The following ARB2A variants were observed in gnomAD, a reference collection of about 807,000 sequenced individuals.
ARB2A encodes the protein ARB2 cotranscriptional regulator A, also known as cotranscriptional regulator ARB2A.
chr5:93,767,401 T>C, the ARB2A span, among the ~76,000 whole-genome samples: 1 of 152,108 alleles, frequency 6.6e-6, no homozygotes, highest in African/African-American at 2.4e-5. Context: ...GGTGTGGATG[T>C]GGTGATGAGG....
the ARB2A span, among the ~76,000 whole-genome samples, chr5:93,978,590 A>G: frequency 2.6e-5 from 4 of 152,124 alleles, no homozygotes; most frequent in Admixed American, 1.3e-4. Context: ...AAAGATGGGA[A>G]CAATAAACAC....
the ARB2A span, among the ~76,000 whole-genome samples, chr5:94,069,087 T>TAGATAGATAGATAGATAGATAGAC: frequency 2.6e-5 from 4 of 151,250 alleles, no homozygotes; most frequent in South Asian, 2.1e-4. Context: ...GATAGATAGA[T>TAGATAGATAGATAGATAGATAGAC]AGACTAATGG....
the ARB2A span, among the ~76,000 whole-genome samples, chr5:93,712,504 T>C: frequency 1.3e-5 from 2 of 152,076 alleles, no homozygotes; most frequent in African/African-American, 4.8e-5. Flanking sequence ...AGAAGGAAGA[T>C]GTACACGGTT....
chr5:94,074,143 C>G, the ARB2A span, among the ~76,000 whole-genome samples: 1 of 152,108 alleles, frequency 6.6e-6, no homozygotes, highest in African/African-American at 2.4e-5. Context: ...TTTTCGAAGT[C>G]AAATTACTTT....
the ARB2A span, among the ~76,000 whole-genome samples, chr5:93,910,337 A>G: frequency 2.0e-5 from 3 of 151,160 alleles, no homozygotes; most frequent in Non-Finnish European, 4.5e-5. Flanking sequence ...GAATATAAAG[A>G]CCAAAATGCT....
chr5:94,016,656 G>T, the ARB2A span, among the ~76,000 whole-genome samples: 1 of 152,178 alleles, frequency 6.6e-6, no homozygotes, highest in Non-Finnish European at 1.5e-5. Flanking sequence ...TTATGCAGAT[G>T]ATGAGAAATG....
the ARB2A span, among the ~76,000 whole-genome samples, chr5:93,827,624 G>T: frequency 3.3e-5 from 5 of 151,818 alleles, no homozygotes; most frequent in South Asian, 6.3e-4. Context: ...GTCAATTTTG[G>T]CTTTTGTTGC....
chr5:93,896,999 C>G, the ARB2A span, among the ~76,000 whole-genome samples: 1 of 151,978 alleles, frequency 6.6e-6, no homozygotes, highest in Non-Finnish European at 1.5e-5. Flanking sequence ...CGCTTGCATA[C>G]TTTAAAGCTT....
At chr5:93,985,864 G>T in the ARB2A span, among the ~76,000 whole-genome samples, 1 of 152,180 alleles carries the variant, frequency 6.6e-6, no homozygotes, top group Non-Finnish European at 1.5e-5. Context: ...GAAGTGAGGA[G>T]CGTCTCTGCC....
the ARB2A span, among the ~76,000 whole-genome samples, chr5:93,658,128 C>G: frequency 6.6e-6 from 1 of 152,046 alleles, no homozygotes; most frequent in Admixed American, 6.6e-5. Context: ...ACTGTACTAT[C>G]AGCTTGTCTG....
the ARB2A span, among the ~76,000 whole-genome samples, chr5:93,820,445 G>A: frequency 2.0e-5 from 3 of 152,076 alleles, no homozygotes; most frequent in Non-Finnish European, 4.4e-5. Context: ...GATGAAGAAG[G>A]TCAAAAACTG....
At chr5:93,631,959 T>C in the ARB2A span, among the ~76,000 whole-genome samples, 6 of 152,334 alleles carry the variant, frequency 3.9e-5, no homozygotes, top group Admixed American at 1.3e-4. Flanking sequence ...TTCTCAATTG[T>C]GAATTCTATT....
chr5:94,086,229 T>C, the ARB2A span, among the ~76,000 whole-genome samples: 15 of 152,338 alleles, frequency 9.8e-5, no homozygotes, highest in Admixed American at 2.6e-4. Flanking sequence ...ATCTTTTTTA[T>C]CAACAATATG....
At chr5:94,095,913 A>G in the ARB2A span, among the ~76,000 whole-genome samples, 1 of 151,782 alleles carries the variant, frequency 6.6e-6, no homozygotes, top group African/African-American at 2.4e-5. Flanking sequence ...CCCGCTCTCC[A>G]TCTCTTCTGA....
the ARB2A span, among the ~76,000 whole-genome samples, chr5:93,893,164 G>T: frequency 2.0e-5 from 3 of 152,120 alleles, no homozygotes; most frequent in East Asian, 5.8e-4. Flanking sequence ...GTGTTCCTGG[G>T]GGTTACAAAT....
the ARB2A span, among the ~76,000 whole-genome samples, chr5:94,015,709 C>A: frequency 6.6e-6 from 1 of 152,004 alleles, no homozygotes; most frequent in Non-Finnish European, 1.5e-5. Context: ...TTGTGTATTT[C>A]TATTATTTTC....
the ARB2A span, among the ~76,000 whole-genome samples, chr5:93,912,983 A>G: frequency 1.3e-5 from 2 of 151,908 alleles, no homozygotes; most frequent in Non-Finnish European, 2.9e-5. Context: ...TAACTGTATC[A>G]AAGTTCTTTC....
chr5:94,012,584 C>CA, the ARB2A span, among the ~76,000 whole-genome samples: 1 of 152,166 alleles, frequency 6.6e-6, no homozygotes, highest in East Asian at 1.9e-4. Flanking sequence ...TGACCAAAGC[C>CA]ATGCTAAATC....
chr5:93,981,803 T>C, the ARB2A span, among the ~76,000 whole-genome samples: 1 of 152,162 alleles, frequency 6.6e-6, no homozygotes, highest in African/African-American at 2.4e-5. Context: ...AAATCCAGCA[T>C]GATTAAATCC....
Sources: gnomAD v4.1 joint callset for allele counts (sites outside exome capture counted in the v4.1 genomes callset) on GRCh38, gnomAD v4.1.1 for gene constraint, MANE v1.5 for transcripts, NCBI Gene and HGNC (gene_info 2026-07-23, HGNC 2026-07-21) for gene names.